The following ZNF638 variants were observed in gnomAD, a reference collection of about 807,000 sequenced individuals.
ZNF638 encodes zinc finger protein 638, also known as CTCL tumor antigen se33-1.
Under a neutral mutation model 195.6 loss-of-function variants are expected in ZNF638, and 46 were observed. The ratio of observed to expected loss-of-function variants is 0.24; its 90% CI spans 0.19 to 0.30. The LOEUF (loss-of-function observed/expected upper bound fraction) is 0.30, where lower values mean the gene tolerates loss of function less well. ZNF638 is among the 10% of genes least tolerant of loss of function. ZNF638 has a pLI of 1.00. For synonymous variants in ZNF638, 845 were observed against 772.0 expected (o/e 1.09, Z -1.57); for missense variants, 2,440 against 2,325.3 (o/e 1.05, Z -1.01).
chr2:71,409,985 CTT>C (rs904557885), intron 20 of ZNF638, among the ~76,000 whole-genome samples: 3 of 152,086 alleles, frequency 2.0e-5, no homozygotes, highest in Admixed American at 6.6e-5. Context: ...TTGAAACTGA[CTT>C]TATTTTGCTC....
At chr2:71,391,321 G>A (rs973596522) in intron 10 of ZNF638, among the ~76,000 whole-genome samples, 3 of 152,160 alleles carry the variant, frequency 2.0e-5, no homozygotes, top group Non-Finnish European at 2.9e-5. Flanking sequence ...ACAGGGCAGA[G>A]AACAATTTAC....
chr2:71,352,337 G>T (rs953263936), intron 2 of ZNF638, among the ~76,000 whole-genome samples: 3 of 151,952 alleles, frequency 2.0e-5, no homozygotes, highest in Non-Finnish European at 2.9e-5. Context: ...AATTAGCCGG[G>T]TGTGGTCATG....
chr2:71,356,613 T>C (rs1381817830), intron 3 of ZNF638, among the ~76,000 whole-genome samples: 1 of 152,002 alleles, frequency 6.6e-6, no homozygotes, highest in Admixed American at 6.6e-5. Context: ...AGCAAGATCT[T>C]GTCTCTACCA....
chr2:71,400,630 C>A, intron 15 of ZNF638, 112 bp downstream of exon 15: 1 of 837,188 alleles, frequency 1.2e-6, no homozygotes, highest in Non-Finnish European at 1.8e-6. Context: ...TGAGAAATTC[C>A]AGTCATTTGT....
intron 19 of ZNF638, among the ~76,000 whole-genome samples, chr2:71,406,562 A>G: frequency 6.6e-6 from 1 of 152,200 alleles, no homozygotes; most frequent in East Asian, 1.9e-4. Flanking sequence ...TTTGGCTCTG[A>G]TTTTAACTAT....
At chr2:71,399,338 A>G (rs1016632328) in intron 12 of ZNF638, among the ~76,000 whole-genome samples, 1 of 152,100 alleles carries the variant, frequency 6.6e-6, no homozygotes, top group South Asian at 2.1e-4. Flanking sequence ...AAGGTTAAAC[A>G]TGTGGCTCAT....
At chr2:71,404,955 G>A (rs1458519144) in intron 17 of ZNF638, among the ~76,000 whole-genome samples, 2 of 152,116 alleles carry the variant, frequency 1.3e-5, no homozygotes, top group African/African-American at 4.8e-5. Context: ...TCTAGAGGCA[G>A]GTAGAAATGC....
chr2:71,395,676 C>T (rs1055813289), intron 10 of ZNF638: 12 of 484,802 alleles, frequency 2.5e-5, no homozygotes, highest in Admixed American at 1.8e-4. Flanking sequence ...TAAATACAAG[C>T]GGCTCCAGCT....
chr2:71,368,367 T>G lies in ZNF638; in HGVS notation c.1996-15T>G. The G allele has an allele frequency of 6.3e-7, 1 of 1,599,888 alleles. No homozygotes were observed. Among genetic ancestry groups the G allele is most frequent in the Non-Finnish European group, 8.5e-7 (1 of 1,175,306 alleles). On this transcript the variant is annotated splice_polypyrimidine_tract_variant and intron_variant, in intron 6 of 27. Transcript: ENST00000264447. Reference sequence around the variant, plus strand: ...AATTTGGTTTATTTTAAATTTTCTTTCACTCCAAAAATAGCTTCGGAAAGA... The same window carrying G: ...AATTTGGTTTATTTTAAATTTTCTTGCACTCCAAAAATAGCTTCGGAAAGA...
At chr2:71,401,009 C>T (rs543111632) in intron 15 of ZNF638, among the ~76,000 whole-genome samples, 8 of 152,066 alleles carry the variant, frequency 5.3e-5, no homozygotes, top group African/African-American at 1.9e-4. Context: ...ACATTACAAT[C>T]ATTAATTTAC....
chr2:71,430,153 T>G (rs1183043780), intron 25 of ZNF638, among the ~76,000 whole-genome samples: 1 of 152,100 alleles, frequency 6.6e-6, no homozygotes, highest in South Asian at 2.1e-4. Context: ...GAAAAAGTCA[T>G]TTTTCCACAC....
Position 71,363,977 on chromosome 2 carries a change from A to G in ZNF638, c.1442A>G (p.Asn481Ser). ...AGAAATGAGGGCAATAGAAAAGAAA[A>G]TGAAACTCCACGAAGACGTTCTCAT... is the stretch of plus-strand genomic sequence containing the variant. Reference protein sequence around the residue: ...SRRNEGNRKENETPRRRSHSP... With the variant: ...SRRNEGNRKESETPRRRSHSP... Residue 481 changes from asparagine (N) to serine (S), a missense_variant, in exon 5 of 28, where the codon AAT (asparagine) becomes AGT (serine). Asn to Ser is a conservative substitution (Grantham distance 46). Transcript: ENST00000264447. 1 of 1,613,186 alleles carries G rather than the reference A, an allele frequency of 6.2e-7. No individual in the cohort carries two copies. The highest frequency in any genetic ancestry group is 1.1e-5 in the South Asian group (1 of 90,908).
At chr2:71,342,079 T>C (rs1017598760) in intron 1 of ZNF638, among the ~76,000 whole-genome samples, 1 of 151,604 alleles carries the variant, frequency 6.6e-6, no homozygotes, top group Non-Finnish European at 1.5e-5. Flanking sequence ...TCAAACTGTT[T>C]AGTAATAGTT....
chr2:71,433,161 C>T lies in ZNF638; in HGVS notation c.5753-4C>T. Reference sequence around the variant, plus strand: ...TTTTCTTCTTGTCTCTTCTTATCCTCTAGAATTAGACTTTCTTGTACCTAA... The same window carrying T: ...TTTTCTTCTTGTCTCTTCTTATCCTTTAGAATTAGACTTTCTTGTACCTAA... On this transcript the variant is annotated splice_region_variant and splice_polypyrimidine_tract_variant and intron_variant, in intron 26 of 27. Coordinates refer to ENST00000264447, the MANE Select transcript of ZNF638 (RefSeq NM_014497.5). 1.9e-6 allele frequency: 3 copies of T among 1,575,304 alleles called. No individual in the cohort carries two copies. Among genetic ancestry groups the T allele is most frequent in the Non-Finnish European group, 2.6e-6 (3 of 1,145,170 alleles).
At chr2:71,400,045 GT>G in intron 13 of ZNF638, 66 bp from the exon 14 acceptor site, 1 of 1,326,490 alleles carries the variant, frequency 7.5e-7, no homozygotes, top group Non-Finnish European at 1.0e-6. Context: ...TTAAGTTCCT[GT>G]TTAGATTCAT....
intron 13 of ZNF638, 64 bp downstream of exon 13, chr2:71,399,709 C>T: frequency 3.0e-6 from 4 of 1,346,990 alleles, no homozygotes; most frequent in Non-Finnish European, 4.2e-6. Flanking sequence ...TTTTTAAGTT[C>T]AGGGGTACAT....
intron 1 of ZNF638, among the ~76,000 whole-genome samples, chr2:71,347,412 C>T (rs1340533389): frequency 6.6e-6 from 1 of 152,072 alleles, no homozygotes; most frequent in African/African-American, 2.4e-5. Context: ...ACCATTTTCC[C>T]AGCCAAATTA....
chr2:71,419,590 G>C (rs1488050947), intron 21 of ZNF638, among the ~76,000 whole-genome samples: 1 of 152,164 alleles, frequency 6.6e-6, no homozygotes, highest in Non-Finnish European at 1.5e-5. Context: ...CTGTGTGTCA[G>C]CACAGGGTTA....
rs566081430 is a variant in ZNF638, at chr2:71,432,993, A to G, written c.5753-172A>G. 6.2e-4 allele frequency among the ~76,000 whole-genome samples: 95 copies of G among 152,366 alleles called. 1 individual carries two copies. The South Asian group carries it at 0.019, about 30-fold the overall frequency. On this transcript the variant is annotated intron_variant, in intron 26 of 27. Coordinates refer to ENST00000264447, the MANE Select transcript of ZNF638 (RefSeq NM_014497.5). ...TCCTAGCTATTCGGGAGCCTGAGGC[A>G]GGAGAATCACATGAACCCAGGAGGC...
Sources: allele counts gnomAD v4.1 joint callset (sites outside exome capture counted in the v4.1 genomes callset), GRCh38; gene constraint gnomAD v4.1.1; transcripts MANE v1.5; gene names NCBI Gene and HGNC (gene_info 2026-07-23, HGNC 2026-07-21).